Variants in CPHXL observed in about 807,000 individuals in gnomAD.
CPHXL encodes cytoplasmic polyadenylated homeobox like, also known as cytoplasmic polyadenylated homeobox-like protein.
At chr16:75,716,183 G>A (rs1959388549) in intron 2 of CPHXL, among the ~76,000 whole-genome samples, 1 of 152,168 alleles carries the variant, frequency 6.6e-6, no homozygotes, top group Non-Finnish European at 1.5e-5. Flanking sequence ...GCTTGTGTGA[G>A]CAAATGTGTT....
intron 1 of CPHXL, among the ~76,000 whole-genome samples, chr16:75,719,881 G>T (rs1381718634): frequency 6.6e-6 from 1 of 152,094 alleles, no homozygotes; most frequent in Admixed American, 6.6e-5. Flanking sequence ...ACCTCACACG[G>T]CCGGGTACTC....
chr16:75,723,218 C>G (rs944077306), intron 1 of CPHXL, among the ~76,000 whole-genome samples: 1 of 152,192 alleles, frequency 6.6e-6, no homozygotes, highest in Admixed American at 6.5e-5. Flanking sequence ...TCTCACCACT[C>G]CTATTCAATG....
At chr16:75,724,402 T>G (rs1439255818) in intron 1 of CPHXL, among the ~76,000 whole-genome samples, 7 of 152,152 alleles carry the variant, frequency 4.6e-5, no homozygotes, top group Non-Finnish European at 8.8e-5. Context: ...ATCCAGAATC[T>G]ACAATGAACT....
chr16:75,716,213 C>T (rs920566783), intron 2 of CPHXL, among the ~76,000 whole-genome samples: 3 of 152,132 alleles, frequency 2.0e-5, no homozygotes, highest in Non-Finnish European at 2.9e-5. Context: ...ACCAGGCAAA[C>T]AGTCAGTTCT....
chr16:75,722,827 T>A (rs540804695), intron 1 of CPHXL, among the ~76,000 whole-genome samples: 3 of 152,310 alleles, frequency 2.0e-5, no homozygotes, highest in South Asian at 2.1e-4. Context: ...ATATCCCTGA[T>A]GAACATTGAT....
At chr16:75,718,201 G>A (rs1163545901) in intron 2 of CPHXL, 64 bp downstream of exon 2, 1 of 397,052 alleles carries the variant, frequency 2.5e-6, no homozygotes, top group Admixed American at 4.4e-5. Flanking sequence ...CTGTGTGATA[G>A]GAGTGAGACC....
At position 75,714,477 on chromosome 16, in the gene CPHXL, T is replaced by G; in HGVS notation, c.965A>C (p.Gln322Pro). The stretch of plus-strand genomic sequence containing the variant: ...CAACATCATCCCCTCTAAGTAATTC[T>G]GAGGCTGTTGGTGCTGCTGCAGGTG... ...QYHLQQHQQP[Q>P]NYLEGMMLQE... Residue 322 changes from glutamine to proline, a missense_variant, in exon 3 of 3, where the codon CAG becomes CCG. Gln to Pro is a moderately conservative substitution (Grantham distance 76). Transcript: ENST00000640559. 2.5e-6 allele frequency: 1 copy of G among 398,660 alleles called. No individual in the cohort carries two copies. Among genetic ancestry groups the G allele is most frequent in the Non-Finnish European group, 4.4e-6 (1 of 226,074 alleles). The allele number at this position is 398,660 out of a possible 1,614,324, so 24.7% of individuals were successfully genotyped here. A position where few individuals can be genotyped will look rare whatever the true frequency, so the allele number is the denominator to read the frequency against.
chr16:75,725,751 GT>G (rs1959548924), intron 1 of CPHXL, among the ~76,000 whole-genome samples: 1 of 103,184 alleles, frequency 9.7e-6, no homozygotes, highest in South Asian at 4.6e-4. Context: ...CGTGCCCGGC[GT>G]CTTTTTTTTT....
At chr16:75,725,139 G>T (rs112504247) in intron 1 of CPHXL, among the ~76,000 whole-genome samples, 1 of 146,984 alleles carries the variant, frequency 6.8e-6, no homozygotes, top group Non-Finnish European at 1.5e-5. Context: ...GTCGGGGGAG[G>T]GGGGAGGGAT....
At chr16:75,724,504 G>T in intron 1 of CPHXL, among the ~76,000 whole-genome samples, 1 of 152,178 alleles carries the variant, frequency 6.6e-6, no homozygotes, top group East Asian at 1.9e-4. Flanking sequence ...CATTTATGCA[G>T]CCAAAAGACA....
intron 1 of CPHXL, among the ~76,000 whole-genome samples, chr16:75,719,767 G>A (rs1959448506): frequency 6.6e-6 from 1 of 152,148 alleles, no homozygotes; most frequent in African/African-American, 2.4e-5. Context: ...GGTTCTCCCA[G>A]CACGCAGCTG....
intron 1 of CPHXL, among the ~76,000 whole-genome samples, chr16:75,723,921 C>T (rs1006722080): frequency 1.3e-5 from 2 of 152,184 alleles, no homozygotes; most frequent in African/African-American, 4.8e-5. Flanking sequence ...GGTACCAAAA[C>T]AGAGGTATAG....
chr16:75,726,297 G>A (rs559043943), intron 1 of CPHXL, 121 bp downstream of exon 1: 48 of 397,642 alleles, frequency 1.2e-4, no homozygotes, highest in African/African-American at 9.7e-4. Context: ...CAATTTACCG[G>A]TGAAAAACAG....
chr16:75,722,069 C>A (rs7185912), intron 1 of CPHXL, among the ~76,000 whole-genome samples: 5 of 151,752 alleles, frequency 3.3e-5, no homozygotes, highest in African/African-American at 1.2e-4. Context: ...GAACAAAGAC[C>A]CAACATACCA....
chr16:75,722,937 T>C (rs1388024553), intron 1 of CPHXL, among the ~76,000 whole-genome samples: 2 of 152,216 alleles, frequency 1.3e-5, no homozygotes, highest in Admixed American at 1.3e-4. Context: ...GATGCAAGGC[T>C]GGTTCAACAT....
chr16:75,716,442 A>G (rs1369515028), intron 2 of CPHXL, among the ~76,000 whole-genome samples: 1 of 152,204 alleles, frequency 6.6e-6, no homozygotes, highest in Non-Finnish European at 1.5e-5. Context: ...AGAGTGGCTC[A>G]CAGAACTAAG....
Position 75,714,947 on chromosome 16 carries a change from G to T in CPHXL, c.495C>A (p.Pro165=). The T allele has an allele frequency of 2.5e-6, 1 of 398,640 alleles. No individual in the cohort carries two copies. The highest frequency in any genetic ancestry group is 4.4e-6 in the Non-Finnish European group (1 of 226,068). The allele number at this position is 398,640 out of a possible 1,614,324, so 24.7% of individuals were successfully genotyped here. The change falls in exon 3 of 3, where the codon CCC becomes CCA. Residue 165 remains proline (P), a synonymous_variant. Transcript: ENST00000640559. ...NCFSLENQET[P]SQQVGPQCSY... The stretch of plus-strand genomic sequence containing the variant: ...AGCACTGGGGGCCCACCTGTTGACT[G>T]GGAGTCTCTTGGTTCTCCAAAGAGA...
chr16:75,724,877 A>G (rs949943923), intron 1 of CPHXL, among the ~76,000 whole-genome samples: 32 of 152,240 alleles, frequency 2.1e-4, no homozygotes, highest in African/African-American at 7.5e-4. Flanking sequence ...AACCAAGCCA[A>G]ATGTCCAACA....
chr16:75,718,841 A>C (rs946376023), intron 1 of CPHXL, among the ~76,000 whole-genome samples: 2 of 152,236 alleles, frequency 1.3e-5, no homozygotes, highest in Admixed American at 6.5e-5. Context: ...TTATATTTAA[A>C]ATTAGAACTA....
Sources: gnomAD v4.1 joint callset for allele counts (sites outside exome capture counted in the v4.1 genomes callset) on GRCh38, gnomAD v4.1.1 for gene constraint, MANE v1.5 for transcripts, NCBI Gene and HGNC (gene_info 2026-07-23, HGNC 2026-07-21) for gene names.